Variants in PTPRD observed in about 807,000 individuals in gnomAD.
PTPRD encodes the protein receptor-type tyrosine-protein phosphatase delta.
In PTPRD, 34 loss-of-function variants were observed where a neutral mutation model predicts 214.5. The ratio of observed to expected loss-of-function variants is 0.16; its 90% CI spans 0.12 to 0.21. The LOEUF is 0.21. Ranked by LOEUF, PTPRD falls within the 10% of genes least tolerant of loss-of-function variation. PTPRD has a pLI of 1.00. For synonymous variants in PTPRD, 1,128 were observed against 845.7 expected (o/e 1.33, Z -5.79); for missense variants, 2,545 against 2,398.7 (o/e 1.06, Z -1.27).
chr9:9,934,966 A>G (rs1488296449), intron 5 of PTPRD, among the ~76,000 whole-genome samples: 1 of 152,220 alleles, frequency 6.6e-6, no homozygotes, highest in Non-Finnish European at 1.5e-5. Flanking sequence ...ACAGAGCCAA[A>G]GACAAAAACC....
intron 11 of PTPRD, among the ~76,000 whole-genome samples, chr9:8,962,373 G>A (rs1161086585): frequency 6.6e-6 from 1 of 152,024 alleles, no homozygotes; most frequent in East Asian, 1.9e-4. Flanking sequence ...TGCCACCTTG[G>A]GACTTTCCTA....
At chr9:9,803,930 T>A (rs1275451027) in intron 5 of PTPRD, 1 of 152,070 alleles carries the variant, frequency 6.6e-6, no homozygotes, top group African/African-American at 2.4e-5. Context: ...TGTTTCACTA[T>A]CTCACTAGAA....
In PTPRD at chr9:9,859,084, G is replaced by C. The variant is rs115241138; in HGVS notation, c.-368+79423C>G. Reference sequence around the variant, plus strand: ...CTCGTGACAGTGAGTTCTCAAAAAAGGGCTGATGATTTTAAAGTGCAGCAC... The same window carrying C: ...CTCGTGACAGTGAGTTCTCAAAAAACGGCTGATGATTTTAAAGTGCAGCAC... On this transcript the variant is annotated intron_variant, in intron 5 of 45. Coordinates refer to ENST00000381196, the MANE Select transcript of PTPRD (RefSeq NM_002839.4). 8.9e-3 allele frequency among the ~76,000 whole-genome samples: 1,352 copies of C among 152,162 alleles called. 20 individuals are homozygous for C. Among genetic ancestry groups the C allele is most frequent in the African/African-American group, 0.03 (1,241 of 41,506 alleles).
At chr9:9,877,311 T>A (rs908327847) in intron 5 of PTPRD, among the ~76,000 whole-genome samples, 3 of 152,118 alleles carry the variant, frequency 2.0e-5, no homozygotes, top group Non-Finnish European at 2.9e-5. Context: ...GCTTCATAAA[T>A]ATACTCTTTT....
intron 8 of PTPRD, among the ~76,000 whole-genome samples, chr9:9,560,596 A>G (rs1343167384): frequency 1.3e-5 from 2 of 152,164 alleles, no homozygotes; most frequent in Admixed American, 1.3e-4. Flanking sequence ...TGACCGGGCA[A>G]GCCTCAGGGG....
At chr9:8,319,723 T>C in intron 45 of PTPRD, 108 bp downstream of exon 45, 1 of 1,365,400 alleles carries the variant, frequency 7.3e-7, no homozygotes, top group Non-Finnish European at 1.0e-6. Context: ...GTTTGATGCT[T>C]TCCCCACAGT....
At chr9:10,190,260 G>T (rs1456548471) in intron 3 of PTPRD, among the ~76,000 whole-genome samples, 2 of 151,598 alleles carry the variant, frequency 1.3e-5, no homozygotes, top group Non-Finnish European at 2.9e-5. Context: ...CAGCTACTTG[G>T]GTGGCTGAGA....
intron 11 of PTPRD, among the ~76,000 whole-genome samples, chr9:8,741,818 T>C: frequency 6.6e-6 from 1 of 152,018 alleles, no homozygotes; most frequent in East Asian, 1.9e-4. Flanking sequence ...GTCAAACTCC[T>C]GATGTCGTGA....
At chr9:10,473,184 A>AGTT (rs1473373573) in intron 2 of PTPRD, among the ~76,000 whole-genome samples, 9 of 102,332 alleles carry the variant, frequency 8.8e-5, no homozygotes, top group Non-Finnish European at 1.4e-4. Flanking sequence ...AAACAGCTGT[A>AGTT]ATTTTGTCTT....
intron 11 of PTPRD, among the ~76,000 whole-genome samples, chr9:8,767,941 T>C (rs1565907899): frequency 6.6e-6 from 1 of 152,158 alleles, no homozygotes; most frequent in Non-Finnish European, 1.5e-5. Context: ...AGAATTAGGA[T>C]AAAGAGGAAG....
intron 5 of PTPRD, among the ~76,000 whole-genome samples, chr9:9,911,348 G>T (rs1000660761): frequency 6.6e-6 from 1 of 152,054 alleles, no homozygotes; most frequent in Admixed American, 6.6e-5. Context: ...TAATTAAAAA[G>T]AACACTTCCA....
chr9:9,758,054 C>G (rs2098605301), intron 6 of PTPRD, among the ~76,000 whole-genome samples: 1 of 151,134 alleles, frequency 6.6e-6, no homozygotes, highest in African/African-American at 2.4e-5. Flanking sequence ...GGGAAAAGTC[C>G]CCAAATAATA....
At chr9:8,931,013 G>A (rs1377802967) in intron 11 of PTPRD, among the ~76,000 whole-genome samples, 1 of 152,152 alleles carries the variant, frequency 6.6e-6, no homozygotes, top group Non-Finnish European at 1.5e-5. Context: ...TGCTTTGGGT[G>A]TTTTAGACAT....
At chr9:9,729,534 T>C (rs2098149598) in intron 7 of PTPRD, among the ~76,000 whole-genome samples, 1 of 152,098 alleles carries the variant, frequency 6.6e-6, no homozygotes, top group Non-Finnish European at 1.5e-5. Flanking sequence ...ACCAATAGTA[T>C]CACTCTCACC....
intron 7 of PTPRD, among the ~76,000 whole-genome samples, chr9:9,663,637 T>A (rs991508904): frequency 6.6e-6 from 1 of 151,628 alleles, no homozygotes; most frequent in Admixed American, 6.6e-5. Context: ...CACTGACAAC[T>A]CTCTCTCCTT....
chr9:10,196,706 G>A (rs948929013), intron 3 of PTPRD, among the ~76,000 whole-genome samples: 6 of 152,108 alleles, frequency 3.9e-5, no homozygotes, highest in Non-Finnish European at 8.8e-5. Flanking sequence ...TTACCTCAGG[G>A]TTAAAATATA....
intron 3 of PTPRD, among the ~76,000 whole-genome samples, chr9:10,272,065 C>T (rs549694933): frequency 6.6e-6 from 1 of 152,096 alleles, no homozygotes; most frequent in Admixed American, 6.6e-5. Flanking sequence ...AGAAAGAAAC[C>T]CCATACTCTT....
intron 21 of PTPRD, among the ~76,000 whole-genome samples, chr9:8,511,243 A>T (rs1239123871): frequency 6.6e-6 from 1 of 151,858 alleles, no homozygotes; most frequent in Non-Finnish European, 1.5e-5. Flanking sequence ...TAATTTTTTA[A>T]TGTTTTTTGT....
At position 9,363,734 on chromosome 9, in the gene PTPRD, C is replaced by A. The variant is rs146751567; in HGVS notation, c.-203+33715G>T. Among the ~76,000 whole-genome samples the A allele has an allele frequency of 5.6e-3, 852 of 151,412 alleles. 10 individuals are homozygous for A. Among genetic ancestry groups the A allele is most frequent in the Non-Finnish European group, 7.2e-3 (487 of 67,550 alleles). ...GACCACTCTAGATTCTCTAAGAGAG[C>A]TTTGTGAGCCTGTAGAATCTCCACA... On this transcript the variant is annotated intron_variant, in intron 9 of 45. Coordinates refer to ENST00000381196, the MANE Select transcript of PTPRD (RefSeq NM_002839.4).
Sources: gnomAD v4.1 joint callset for allele counts (sites outside exome capture counted in the v4.1 genomes callset) on GRCh38, gnomAD v4.1.1 for gene constraint, MANE v1.5 for transcripts, NCBI Gene and HGNC (gene_info 2026-07-23, HGNC 2026-07-21) for gene names.